Variants in FBXO31 observed in about 807,000 individuals in gnomAD.
FBXO31 encodes the protein F-box only protein 31.
FBXO31 carries 24 observed loss-of-function variants against 54.4 expected under a neutral mutation model. The observed-to-expected ratio is 0.44, with a 90% CI of 0.32 to 0.62. FBXO31 has a LOEUF of 0.62. Among genes scored for constraint, FBXO31 ranks in the 20% least tolerant of loss-of-function variants. FBXO31 has a pLI of 0.05. For synonymous variants in FBXO31, 388 were observed against 335.6 expected (o/e 1.16, Z -1.71); for missense variants, 665 against 787.1 (o/e 0.84, Z 1.86).
intron 1 of FBXO31, among the ~76,000 whole-genome samples, chr16:87,388,933 A>T (rs1360457497): frequency 6.6e-6 from 1 of 152,196 alleles, no homozygotes; most frequent in Non-Finnish European, 1.5e-5. Context: ...TAACGTTTAT[A>T]TTACACTATG....
At position 87,345,479 on chromosome 16, in the gene FBXO31, A is replaced by T. The variant is rs371934543; in HGVS notation, c.489+1695T>A. 3.3e-5 allele frequency among the ~76,000 whole-genome samples: 5 copies of T among 152,204 alleles called. No individual in the cohort carries two copies. Among genetic ancestry groups the T allele is most frequent in the African/African-American group, 9.7e-5 (4 of 41,448 alleles). Reference sequence around the variant, plus strand: ...ACACCTGCAAATACCAAGAAAAGTCAGACAACTTCACTGTGTTGAATGAGC... The same window carrying T: ...ACACCTGCAAATACCAAGAAAAGTCTGACAACTTCACTGTGTTGAATGAGC... On this transcript the variant is annotated intron_variant, in intron 3 of 8. Coordinates refer to ENST00000311635, the MANE Select transcript of FBXO31 (RefSeq NM_024735.5). This position sits in a 1 kb window ranked among gnomAD's most constrained non-coding sequence, Gnocchi z 4.9.
At chr16:87,363,562 C>A (rs1345926979) in intron 1 of FBXO31, among the ~76,000 whole-genome samples, 1 of 152,136 alleles carries the variant, frequency 6.6e-6, no homozygotes, top group Non-Finnish European at 1.5e-5. Flanking sequence ...GAAAATTCAG[C>A]AATTGCCTCC....
At position 87,342,897 on chromosome 16, in the gene FBXO31, TC is replaced by T; in HGVS notation, c.711del (p.Met238CysfsTer13). On this transcript the variant is annotated frameshift_variant, in exon 5 of 9. Transcript: ENST00000311635. LOFTEE classifies it high-confidence loss of function. ...STKCNQTDHH[R>X]MSGGRQEEFR... is the part of the protein sequence containing the mutation. Reference sequence around the variant, plus strand: ...CTCACCTCCTGCCTCCCGCCGGACATCCTGTGGTGGTCCGTCTGGTTGCACT... The same window carrying T: ...CTCACCTCCTGCCTCCCGCCGGACATCTGTGGTGGTCCGTCTGGTTGCACT... 6.2e-7 allele frequency: 1 copy of T among 1,605,880 alleles called. No individual in the cohort carries two copies.
At chr16:87,388,363 G>C (rs1324282717), upstream of FBXO31, among the ~76,000 whole-genome samples, 1 of 152,196 alleles carries the variant, frequency 6.6e-6, no homozygotes, top group Non-Finnish European at 1.5e-5. Flanking sequence ...TCCTTTCTGA[G>C]AATAGCTCCC....
chr16:87,391,571 C>G (rs1907552182), upstream of FBXO31: 1 of 152,298 alleles, frequency 6.6e-6, no homozygotes, highest in Non-Finnish European at 1.5e-5. Context: ...TCGCCACAGA[C>G]GACCTAACGG....
intron 2 of FBXO31, among the ~76,000 whole-genome samples, chr16:87,351,623 C>CTT (rs2150680109): frequency 6.6e-6 from 1 of 152,272 alleles, no homozygotes; most frequent in South Asian, 2.1e-4. Context: ...AATCCCAGAA[C>CTT]TTTAGGAGGC....
At chr16:87,360,486 T>A (rs1053320823) in intron 1 of FBXO31, 120 bp from the exon 2 acceptor site, 8 of 761,940 alleles carry the variant, frequency 1.0e-5, no homozygotes, top group Non-Finnish European at 2.3e-6. Context: ...ATCTCCAGAG[T>A]GCATCTGTCA....
chr16:87,353,904 C>T (rs1222934948), intron 2 of FBXO31, among the ~76,000 whole-genome samples: 1 of 152,270 alleles, frequency 6.6e-6, no homozygotes, highest in African/African-American at 2.4e-5. Context: ...GCTCCAGCAG[C>T]CCTGGCAGAC....
At chr16:87,333,782 G>C in intron 8 of FBXO31, 104 bp downstream of exon 8, 3 of 1,487,472 alleles carry the variant, frequency 2.0e-6, no homozygotes, top group Non-Finnish European at 2.7e-6. Flanking sequence ...GCCGCCCTCT[G>C]TGAGGTCACA....
chr16:87,352,060 C>A (rs1905686099), intron 2 of FBXO31, among the ~76,000 whole-genome samples: 1 of 152,160 alleles, frequency 6.6e-6, no homozygotes, highest in Admixed American at 6.5e-5. Flanking sequence ...GTCAGGGTTT[C>A]TGAGAAGCTC....
rs35518535 is a variant in FBXO31, at chr16:87,337,825, T to TA, written c.733-1562dup. On this transcript the variant is annotated intron_variant, in intron 5 of 8. Transcript: ENST00000311635. ...TGATGTGATGCTACCAAACTTCTAT[T>TA]AAAAAAAAAAAAAATGGAGCCTATC... Among the ~76,000 whole-genome samples, 546 of 146,832 alleles carry TA rather than the reference T, an allele frequency of 3.7e-3. 3 individuals are homozygous for TA. Among genetic ancestry groups the TA allele is most frequent in the East Asian group, 0.01 (52 of 5,000 alleles).
intron 8 of FBXO31, 82 bp downstream of exon 8, chr16:87,333,804 C>T (rs1205934185): frequency 3.4e-6 from 5 of 1,481,678 alleles, no homozygotes; most frequent in Non-Finnish European, 3.6e-6. Context: ...GCCCTCTCCG[C>T]CTGTGCTAGG....
upstream of FBXO31, among the ~76,000 whole-genome samples, chr16:87,390,139 G>T (rs1477148230): frequency 6.6e-6 from 1 of 152,112 alleles, no homozygotes; most frequent in Non-Finnish European, 1.5e-5. Context: ...AAATTAGCTG[G>T]GCGTGGTGGC....
rs1269817223 is a variant in FBXO31, at chr16:87,383,008, G to C, written c.340+397C>G. On this transcript the variant is annotated intron_variant, in intron 1 of 8. Coordinates refer to ENST00000311635, the MANE Select transcript of FBXO31 (RefSeq NM_024735.5). This position sits in a 1 kb window ranked among gnomAD's most constrained non-coding sequence, Gnocchi z 4.9. Reference sequence around the variant, plus strand: ...CACCCTCGGCTCGCCTTCAAGACAGGGGCAGAGGAGGCGGCCCCCAGGCGT... The same window carrying C: ...CACCCTCGGCTCGCCTTCAAGACAGCGGCAGAGGAGGCGGCCCCCAGGCGT... Among the ~76,000 whole-genome samples, 1 of 152,098 alleles carries C rather than the reference G, an allele frequency of 6.6e-6. No homozygotes were observed. The highest frequency in any genetic ancestry group is 6.5e-5 in the Admixed American group (1 of 15,272).
At chr16:87,352,281 G>C (rs1905695213) in intron 2 of FBXO31, among the ~76,000 whole-genome samples, 1 of 152,166 alleles carries the variant, frequency 6.6e-6, no homozygotes, top group African/African-American at 2.4e-5. Context: ...TTTCTGCTTT[G>C]AACGTTACGC....
In FBXO31 at chr16:87,335,825, T is replaced by G. The variant is rs1905030992; in HGVS notation, c.842+330A>C. Among the ~76,000 whole-genome samples the G allele has an allele frequency of 6.6e-6, 1 of 151,904 alleles. No individual in the cohort carries two copies. Among genetic ancestry groups the G allele is most frequent in the Non-Finnish European group, 1.5e-5 (1 of 67,946 alleles). On this transcript the variant is annotated intron_variant, in intron 6 of 8. Coordinates refer to ENST00000311635, the MANE Select transcript of FBXO31 (RefSeq NM_024735.5). The surrounding 1 kb of genome is among the most constrained non-coding windows in gnomAD (Gnocchi z 5.7). ...GCGGGGCTGAGCTCTAGAGTGCCAGTGTTGGCAGGGGTGACAGGAAATCAG... is the reference window on the plus strand; with the variant it reads ...GCGGGGCTGAGCTCTAGAGTGCCAGGGTTGGCAGGGGTGACAGGAAATCAG...
rs572499463 is a variant in FBXO31, at chr16:87,363,190, G to A, written c.341-2824C>T. ...ACCTGAGGTTGGGAGTTCGAGATCA[G>A]CCTGACCAACATGGAGAAACCCCGT... On this transcript the variant is annotated intron_variant, in intron 1 of 8. Coordinates refer to ENST00000311635, the MANE Select transcript of FBXO31 (RefSeq NM_024735.5). Among the ~76,000 whole-genome samples the A allele has an allele frequency of 2.0e-5, 3 of 152,214 alleles. No individual in the cohort carries two copies. The South Asian group carries it at 6.2e-4, about 32-fold the overall frequency.
intron 2 of FBXO31, among the ~76,000 whole-genome samples, chr16:87,353,950 G>C (rs1324358585): frequency 6.6e-6 from 1 of 152,232 alleles, no homozygotes; most frequent in Non-Finnish European, 1.5e-5. Context: ...CACAGGCTTG[G>C]GGACTAGGAT....
intron 1 of FBXO31, among the ~76,000 whole-genome samples, chr16:87,374,798 T>G (rs1906751279): frequency 6.6e-6 from 1 of 152,190 alleles, no homozygotes; most frequent in Admixed American, 6.5e-5. Flanking sequence ...AATGTAATCT[T>G]TTGTTATTAT....
Sources: gnomAD v4.1 joint callset for allele counts (sites outside exome capture counted in the v4.1 genomes callset) on GRCh38, gnomAD v4.1.1 for gene constraint, Gnocchi (gnomAD v3.1) non-coding constraint, MANE v1.5 for transcripts, NCBI Gene and HGNC (gene_info 2026-07-23, HGNC 2026-07-21) for gene names.